The following AIFM1 variants were observed in gnomAD, a reference collection of about 807,000 sequenced individuals.
AIFM1 encodes apoptosis-inducing factor 1, mitochondrial.
AIFM1 carries 3 observed loss-of-function variants against 51.7 expected under a neutral mutation model. That is an observed-to-expected ratio of 0.06 (90% CI 0.03 to 0.15). The LOEUF (loss-of-function observed/expected upper bound fraction) is 0.15, where lower values mean the gene tolerates loss of function less well. Ranked by LOEUF, AIFM1 falls within the 10% of genes least tolerant of loss-of-function variation. AIFM1 has a pLI of 1.00. For missense variants in AIFM1, 330 were observed against 476.8 expected (o/e 0.69, Z 2.87); for synonymous variants, 178 against 179.4 (o/e 0.99, Z 0.06).
chrX:130,149,706 T>C (rs1419951169), intron 2 of AIFM1, 138 bp from the exon 3 acceptor site: 1 of 502,929 alleles, frequency 2.0e-6, no homozygotes, highest in Non-Finnish European at 3.4e-6. Context: ...TAAGACAAAG[T>C]TGTTTTCTTA....
chrX:130,146,214 G>A (rs1307572772), intron 5 of AIFM1, among the ~76,000 whole-genome samples: 1 of 111,612 alleles, frequency 9.0e-6, no homozygotes, highest in African/African-American at 3.3e-5. Flanking sequence ...AAGTTGGGAG[G>A]ATCACTTGAG....
intron 6 of AIFM1, among the ~76,000 whole-genome samples, chrX:130,144,175 C>T (rs2030675079): frequency 9.0e-6 from 1 of 111,256 alleles, no homozygotes; most frequent in African/African-American, 3.3e-5. Context: ...CTTTCTTCTT[C>T]TTCTTCATCA....
intron 10 of AIFM1, 114 bp from the exon 11 acceptor site, chrX:130,136,845 C>A: frequency 2.0e-6 from 2 of 1,007,083 alleles, no homozygotes; most frequent in Admixed American, 4.7e-5. Context: ...AGTACACAGG[C>A]AGTTTTGGAG....
intron 1 of AIFM1, among the ~76,000 whole-genome samples, chrX:130,162,825 C>T (rs1230299077): frequency 8.9e-6 from 1 of 111,979 alleles, no homozygotes. Context: ...TATTATAGAA[C>T]AGAAAATGTC....
At chrX:130,153,390 C>T (rs1244579679) in intron 2 of AIFM1, among the ~76,000 whole-genome samples, 1 of 107,427 alleles carries the variant, frequency 9.3e-6, no homozygotes, top group Non-Finnish European at 1.9e-5. Context: ...CAGTTTACTC[C>T]CTTTTTTTGG....
intron 3 of AIFM1, 25 bp downstream of exon 3, chrX:130,149,444 T>C (rs1235939050): frequency 3.5e-6 from 4 of 1,155,932 alleles, no homozygotes; most frequent in African/African-American, 1.8e-5. Flanking sequence ...TCTCAAATCA[T>C]AGCAAGACTT....
At chrX:130,162,224 G>A (rs1054411976) in intron 1 of AIFM1, among the ~76,000 whole-genome samples, 3 of 111,990 alleles carry the variant, frequency 2.7e-5, no homozygotes, top group Non-Finnish European at 3.8e-5. Flanking sequence ...ATGAGAAAAT[G>A]AGCTTGATAC....
intron 6 of AIFM1, among the ~76,000 whole-genome samples, chrX:130,142,930 C>T (rs966405977): frequency 8.9e-6 from 1 of 112,212 alleles, no homozygotes; most frequent in Admixed American, 9.5e-5. Context: ...CGCCAAATCT[C>T]ACAGTGCATT....
chrX:130,162,212 A>G (rs895282149), intron 1 of AIFM1, among the ~76,000 whole-genome samples: 2 of 112,159 alleles, frequency 1.8e-5, no homozygotes, highest in East Asian at 2.8e-4. Context: ...ACTATTCTGA[A>G]TATGAGAAAA....
At chrX:130,152,017 C>T (rs985831602) in intron 2 of AIFM1, among the ~76,000 whole-genome samples, 1 of 107,180 alleles carries the variant, frequency 9.3e-6, no homozygotes, top group African/African-American at 3.4e-5. Flanking sequence ...CCAGCCTGGG[C>T]GACAGAGCGA....
intron 2 of AIFM1, among the ~76,000 whole-genome samples, chrX:130,151,486 G>C (rs977340073): frequency 2.4e-4 from 27 of 111,562 alleles, no homozygotes; most frequent in Admixed American, 2.3e-3. Flanking sequence ...TTCCAGAACA[G>C]CCCATCAGGC....
intron 5 of AIFM1, among the ~76,000 whole-genome samples, chrX:130,147,012 A>C (rs1049557270): frequency 9.0e-6 from 1 of 111,046 alleles, no homozygotes; most frequent in Non-Finnish European, 1.9e-5. Flanking sequence ...AATACAAAAA[A>C]TTAGCCGGGT....
At chrX:130,134,257 AT>A (rs1316912731) in intron 12 of AIFM1, among the ~76,000 whole-genome samples, 4 of 110,672 alleles carry the variant, frequency 3.6e-5, no homozygotes, top group Non-Finnish European at 7.6e-5. Context: ...AGAAAAAAAA[AT>A]CTATTCTGCT....
Position 130,130,856 on chromosome X carries a change from C to T in AIFM1, c.1574-690G>A, listed in dbSNP as rs1437537185. Among the ~76,000 whole-genome samples the T allele has an allele frequency of 2.7e-5, 3 of 112,138 alleles. No homozygotes were observed. The Admixed American group carries it at 2.8e-4, about 11-fold the overall frequency. ...GGGCACCTTGCTGAGAACCACCAGC[C>T]TCCAAATAATACTGTCCAGTCGACA... On this transcript the variant is annotated intron_variant, in intron 14 of 15. Transcript: ENST00000287295.
intron 2 of AIFM1, among the ~76,000 whole-genome samples, chrX:130,153,207 G>A (rs1603229211): frequency 9.5e-6 from 1 of 105,175 alleles, no homozygotes; most frequent in African/African-American, 3.5e-5. Context: ...AAAATTAGCC[G>A]GGCATGGTGG....
At chrX:130,129,749 T>C in intron 15 of AIFM1, 121 bp from the exon 16 acceptor site, 1 of 784,305 alleles carries the variant, frequency 1.3e-6, no homozygotes, top group Non-Finnish European at 1.9e-6. Flanking sequence ...GTGGGAACAG[T>C]TCTCTACTAA....
chrX:130,147,381 G>A lies in AIFM1; in HGVS notation c.605+112C>T, dbSNP rs944784630. ...CAAGTGTGGACCACAGTAGACTCTA[G>A]TGGACAGCCAAGCCATCCCTCCTAT... is the stretch of plus-strand genomic sequence containing the variant. On this transcript the variant is annotated intron_variant, in intron 5 of 15. Transcript: ENST00000287295. 8 of 983,232 alleles carry A rather than the reference G, an allele frequency of 8.1e-6. No homozygotes were observed. The African/African-American group carries it at 1.5e-4, about 19-fold the overall frequency. 81.0% of individuals were successfully genotyped at this position (983,232 alleles called of 1,213,427 possible).
In AIFM1 at chrX:130,130,110, G is replaced by A. The variant is rs752745547; in HGVS notation, c.1630C>T (p.Pro544Ser). Residue 544 changes from proline (P) to serine (S), a missense_variant, in exon 15 of 16, where the codon CCT (proline) becomes TCT (serine). Transcript: ENST00000287295. ...TGTGGAACTGCCGGGGTGCTGGGAG[G>A]AATAGTAATTTCTGAGGCCTCGGAC... ...TESEASEITIPPSTPAVPQAP... is the reference protein window; with the variant it reads ...TESEASEITISPSTPAVPQAP... 1.2e-5 allele frequency: 15 copies of A among 1,211,939 alleles called. No individual in the cohort carries two copies. The South Asian group carries it at 2.6e-4, about 21-fold the overall frequency.
At chrX:130,146,596 A>T (rs934731513) in intron 5 of AIFM1, among the ~76,000 whole-genome samples, 2 of 109,856 alleles carry the variant, frequency 1.8e-5, no homozygotes, top group Non-Finnish European at 3.8e-5. Context: ...AAGTTTGTAA[A>T]ATTTGGTCAG....
Sources: allele counts gnomAD v4.1 joint callset (sites outside exome capture counted in the v4.1 genomes callset), GRCh38; gene constraint gnomAD v4.1.1; transcripts MANE v1.5; gene names NCBI Gene and HGNC (gene_info 2026-07-23, HGNC 2026-07-21).